The following LPP variants were observed in gnomAD, a reference collection of about 807,000 sequenced individuals.
LPP encodes the protein LIM domain containing preferred translocation partner in lipoma, also known as lipoma-preferred partner.
A neutral mutation model predicts 60.4 loss-of-function variants in LPP; 38 were observed. The ratio of observed to expected loss-of-function variants is 0.63; its 90% confidence interval spans 0.49 to 0.83. LPP has a LOEUF of 0.83. LPP is among the 40% of genes least tolerant of loss of function. LPP has a pLI of 0.00. For synonymous variants in LPP, 328 were observed against 290.8 expected (o/e 1.13, Z -1.30); for missense variants, 902 against 783.6 (o/e 1.15, Z -1.80).
intron 6 of LPP, among the ~76,000 whole-genome samples, chr3:188,569,976 A>G (rs1473951755): frequency 6.6e-6 from 1 of 150,936 alleles, no homozygotes; most frequent in African/African-American, 2.4e-5. Flanking sequence ...CCTCAAATCT[A>G]CTTTAGTGGT....
At chr3:188,585,792 C>T (rs940578188) in intron 6 of LPP, among the ~76,000 whole-genome samples, 3 of 152,170 alleles carry the variant, frequency 2.0e-5, no homozygotes, top group Non-Finnish European at 4.4e-5. Context: ...ATTTCTGTTT[C>T]TTTACTGAAT....
chr3:188,757,568 C>T (rs775245897), intron 8 of LPP, among the ~76,000 whole-genome samples: 2 of 152,084 alleles, frequency 1.3e-5, no homozygotes, highest in African/African-American at 2.4e-5. Context: ...TTTTAGGGGA[C>T]GGGGGGAAGT....
intron 1 of LPP, among the ~76,000 whole-genome samples, chr3:188,203,355 C>T (rs1218443391): frequency 2.1e-5 from 2 of 96,882 alleles, no homozygotes; most frequent in African/African-American, 4.3e-5. Flanking sequence ...TAAATATATA[C>T]ATATATTTAT....
At chr3:188,786,055 A>C (rs1232098499) in intron 9 of LPP, among the ~76,000 whole-genome samples, 1 of 151,978 alleles carries the variant, frequency 6.6e-6, no homozygotes, top group Non-Finnish European at 1.5e-5. Context: ...TTATAGTTTG[A>C]CTTGCTTTTC....
At chr3:188,616,624 TTTG>T (rs1324789129) in intron 7 of LPP, among the ~76,000 whole-genome samples, 3 of 152,084 alleles carry the variant, frequency 2.0e-5, no homozygotes, top group South Asian at 4.1e-4. Context: ...TTAGCATCAG[TTTG>T]TTGTTGTCCA....
chr3:188,760,191 A>G lies in LPP; in HGVS notation c.1319A>G (p.Asp440Gly). The change falls in exon 9 of 12, where the codon GAT (aspartate) becomes GGT (glycine). Residue 440 changes from aspartate to glycine, a missense_variant. Asp to Gly is a moderately conservative substitution (Grantham distance 94, BLOSUM62 -1). Transcript: ENST00000617246. Reference sequence around the variant, plus strand: ...GCCATGGATCAGGTCTTCCACGTGGATTGTTTTACCTGCATCATCTGCAAC... The same window carrying G: ...GCCATGGATCAGGTCTTCCACGTGGGTTGTTTTACCTGCATCATCTGCAAC... ...CTAMDQVFHV[D>G]CFTCIICNNK... The G allele has an allele frequency of 6.2e-7, 1 of 1,613,914 alleles. No individual in the cohort carries two copies.
intron 2 of LPP, among the ~76,000 whole-genome samples, chr3:188,308,121 T>C (rs1752131164): frequency 6.6e-6 from 1 of 152,212 alleles, no homozygotes; most frequent in Non-Finnish European, 1.5e-5. Context: ...TTTACCAGTT[T>C]ACAGGGAATT....
At chr3:188,708,546 G>T (rs1304582270) in intron 8 of LPP, 153 bp downstream of exon 8, 2 of 1,052,812 alleles carry the variant, frequency 1.9e-6, no homozygotes, top group African/African-American at 1.6e-5. Context: ...GTAATTGTAG[G>T]ATTTGCATTT....
At chr3:188,370,222 G>A (rs1772607055) in intron 3 of LPP, among the ~76,000 whole-genome samples, 1 of 152,084 alleles carries the variant, frequency 6.6e-6, no homozygotes, top group African/African-American at 2.4e-5. Flanking sequence ...CACCACACCT[G>A]GCCAGTCACT....
chr3:188,476,093 T>G (rs899195130), intron 4 of LPP, among the ~76,000 whole-genome samples: 5 of 152,132 alleles, frequency 3.3e-5, no homozygotes. Context: ...CCCCCTTACT[T>G]GCCCTACATT....
chr3:188,845,636 T>C (rs1302873731), intron 9 of LPP, among the ~76,000 whole-genome samples: 2 of 152,182 alleles, frequency 1.3e-5, no homozygotes, highest in Non-Finnish European at 2.9e-5. Context: ...TCCTCTGGTA[T>C]ATATGCTGTG....
intron 7 of LPP, among the ~76,000 whole-genome samples, chr3:188,654,644 C>A (rs1402661012): frequency 6.6e-6 from 1 of 152,156 alleles, no homozygotes; most frequent in Non-Finnish European, 1.5e-5. Context: ...AAACTGCATG[C>A]TTAAGCACTG....
At chr3:188,520,043 C>T (rs1227277823) in intron 5 of LPP, among the ~76,000 whole-genome samples, 1 of 152,080 alleles carries the variant, frequency 6.6e-6, no homozygotes, top group African/African-American at 2.4e-5. Context: ...ATTTATTGGA[C>T]TGTCTTTATG....
chr3:188,655,497 G>C (rs1237268134), intron 7 of LPP, among the ~76,000 whole-genome samples: 1 of 152,172 alleles, frequency 6.6e-6, no homozygotes, highest in South Asian at 2.1e-4. Flanking sequence ...AACGATGCTG[G>C]GTAGAAGATG....
intron 2 of LPP, among the ~76,000 whole-genome samples, chr3:188,254,106 A>T: frequency 6.6e-6 from 1 of 152,206 alleles, no homozygotes; most frequent in Non-Finnish European, 1.5e-5. Flanking sequence ...TAAGTGCCTC[A>T]TGAATTTTAA....
At chr3:188,548,841 T>C (rs1008635268) in intron 6 of LPP, among the ~76,000 whole-genome samples, 24 of 152,188 alleles carry the variant, frequency 1.6e-4, no homozygotes, top group Non-Finnish European at 3.5e-4. Flanking sequence ...GTTTCAACTT[T>C]CCTCTGCCCA....
chr3:188,298,558 G>C (rs145064072), intron 2 of LPP, among the ~76,000 whole-genome samples: 2 of 152,152 alleles, frequency 1.3e-5, no homozygotes, highest in Non-Finnish European at 2.9e-5. Context: ...CACACTTCTC[G>C]TGAGGCGCTT....
At chr3:188,441,196 A>G (rs932855576) in intron 4 of LPP, among the ~76,000 whole-genome samples, 1 of 152,196 alleles carries the variant, frequency 6.6e-6, no homozygotes, top group African/African-American at 2.4e-5. Flanking sequence ...GCTCCATTTT[A>G]TAAAGATGGG....
intron 2 of LPP, among the ~76,000 whole-genome samples, chr3:188,298,050 T>G (rs184625290): frequency 6.6e-6 from 1 of 152,214 alleles, no homozygotes; most frequent in Non-Finnish European, 1.5e-5. Context: ...ACTGTTATCT[T>G]TTTTCCAAGT....
Sources: allele counts gnomAD v4.1 joint callset (sites outside exome capture counted in the v4.1 genomes callset), GRCh38; gene constraint gnomAD v4.1.1; transcripts MANE v1.5; gene names NCBI Gene and HGNC (gene_info 2026-07-23, HGNC 2026-07-21).